Variants in ENTREP2 observed in about 807,000 individuals in gnomAD.
ENTREP2 encodes the protein protein ENTREP2.
At chr15:29,151,504 C>T in the ENTREP2 span, among the ~76,000 whole-genome samples, 22,644 of 152,154 alleles carry the variant, frequency 0.15, 3,111 homozygotes, top group African/African-American at 0.36. Context: ...CTAGAGAACA[C>T]GACAGTGGCA....
chr15:29,217,906 CTGT>C, the ENTREP2 span, among the ~76,000 whole-genome samples: 2 of 152,112 alleles, frequency 1.3e-5, no homozygotes, highest in Non-Finnish European at 1.5e-5. Flanking sequence ...GGGCTGAAGG[CTGT>C]TGTTCAGATT....
chr15:29,190,409 A>C, the ENTREP2 span, among the ~76,000 whole-genome samples: 1 of 152,058 alleles, frequency 6.6e-6, no homozygotes, highest in South Asian at 2.1e-4. Context: ...GGAAGGGCAG[A>C]ACAGAGATCC....
chr15:29,119,695 A>AAAAAAAAAAAAAAAAAAAAAAT, the ENTREP2 span, among the ~76,000 whole-genome samples: 1 of 138,098 alleles, frequency 7.2e-6, no homozygotes, highest in African/African-American at 3.0e-5. Context: ...AAAAAAAAAA[A>AAAAAAAAAAAAAAAAAAAAAAT]GAATGAAAAG....
At chr15:29,196,864 G>GTCAC in the ENTREP2 span, among the ~76,000 whole-genome samples, 1 of 152,018 alleles carries the variant, frequency 6.6e-6, no homozygotes, top group Non-Finnish European at 1.5e-5. Flanking sequence ...TAGATTGAAA[G>GTCAC]TCACTCATGC....
the ENTREP2 span, among the ~76,000 whole-genome samples, chr15:29,325,794 T>C: frequency 6.6e-6 from 1 of 152,020 alleles, no homozygotes; most frequent in Non-Finnish European, 1.5e-5. Context: ...ACATAGAGCA[T>C]AAAAAAGGGA....
chr15:29,223,984 G>C, the ENTREP2 span, among the ~76,000 whole-genome samples: 5 of 152,322 alleles, frequency 3.3e-5, no homozygotes, highest in African/African-American at 1.2e-4. Flanking sequence ...TCTGTACTCA[G>C]AAGTGTGTCC....
chr15:29,336,490 T>C, the ENTREP2 span, among the ~76,000 whole-genome samples: 2 of 152,072 alleles, frequency 1.3e-5, no homozygotes, highest in East Asian at 1.9e-4. Flanking sequence ...TTTATTTTTT[T>C]AGTAGAGACA....
chr15:29,628,030 T>C, the ENTREP2 span, among the ~76,000 whole-genome samples: 1 of 152,144 alleles, frequency 6.6e-6, no homozygotes, highest in East Asian at 1.9e-4. Flanking sequence ...GTAAGGTAAT[T>C]CTATGTTTAA....
chr15:29,284,753 A>G, the ENTREP2 span, among the ~76,000 whole-genome samples: 1 of 152,036 alleles, frequency 6.6e-6, no homozygotes, highest in Non-Finnish European at 1.5e-5. Context: ...TTCTCTGCAT[A>G]CTCTCTGTGA....
chr15:29,315,206 A>G, the ENTREP2 span, among the ~76,000 whole-genome samples: 1 of 152,236 alleles, frequency 6.6e-6, no homozygotes, highest in Non-Finnish European at 1.5e-5. Flanking sequence ...ATTAAAAAAA[A>G]TCATCATTGT....
chr15:29,336,337 A>G, the ENTREP2 span, among the ~76,000 whole-genome samples: 1 of 151,770 alleles, frequency 6.6e-6, no homozygotes, highest in Non-Finnish European at 1.5e-5. Context: ...TTTGAGACAG[A>G]GTCTCACTCT....
chr15:29,134,284 G>A, the ENTREP2 span, among the ~76,000 whole-genome samples: 1 of 152,130 alleles, frequency 6.6e-6, no homozygotes, highest in South Asian at 2.1e-4. Flanking sequence ...GGGATTTCAG[G>A]GCCATGCCCA....
At chr15:29,147,553 A>G in the ENTREP2 span, among the ~76,000 whole-genome samples, 2 of 152,192 alleles carry the variant, frequency 1.3e-5, no homozygotes, top group Non-Finnish European at 1.5e-5. Context: ...TAATTAAAAG[A>G]AAGATCATAA....
At chr15:29,373,584 T>C in the ENTREP2 span, 2 of 152,288 alleles carry the variant, frequency 1.3e-5, no homozygotes, top group East Asian at 3.9e-4. Context: ...GTTTCTGTTT[T>C]GCTTTCTTTT....
chr15:29,653,421 C>A, the ENTREP2 span, among the ~76,000 whole-genome samples: 16 of 152,108 alleles, frequency 1.1e-4, no homozygotes, highest in South Asian at 2.1e-4. Flanking sequence ...TGTGTCCCAC[C>A]CAAAATTTCA....
At chr15:29,269,328 G>A in the ENTREP2 span, 2 of 1,614,192 alleles carry the variant, frequency 1.2e-6, no homozygotes, top group Middle Eastern at 1.6e-4. Flanking sequence ...CCCGTTTGAA[G>A]AGGTCGGGGA....
chr15:29,303,450 G>T, the ENTREP2 span, among the ~76,000 whole-genome samples: 1 of 151,706 alleles, frequency 6.6e-6, no homozygotes, highest in Non-Finnish European at 1.5e-5. Context: ...CATGACACTG[G>T]GTTTTTTTTC....
chr15:29,381,950 G>C, the ENTREP2 span: 1 of 895,710 alleles, frequency 1.1e-6, no homozygotes, highest in Non-Finnish European at 1.8e-6. Flanking sequence ...CACACACAGT[G>C]GCGGGGCTAC....
chr15:29,311,908 C>T, the ENTREP2 span, among the ~76,000 whole-genome samples: 1 of 152,104 alleles, frequency 6.6e-6, no homozygotes, highest in African/African-American at 2.4e-5. Context: ...TCAGCATTAG[C>T]ATATAGTCCA....
Sources: gnomAD v4.1 joint callset for allele counts (sites outside exome capture counted in the v4.1 genomes callset) on GRCh38, gnomAD v4.1.1 for gene constraint, MANE v1.5 for transcripts, NCBI Gene and HGNC (gene_info 2026-07-23, HGNC 2026-07-21) for gene names.